PRKN: variants seen among roughly 807,000 people sequenced by gnomAD.
The protein encoded by PRKN is parkin RBR E3 ubiquitin protein ligase.
PRKN carries 56 observed loss-of-function variants against 59.5 expected under a neutral mutation model. The observed-to-expected ratio is 0.94, with a 90% confidence interval of 0.76 to 1.18. The LOEUF (loss-of-function observed/expected upper bound fraction) is 1.18, where lower values mean the gene tolerates loss of function less well. Among genes scored for constraint, PRKN ranks in the 50% most tolerant of loss-of-function variants. The pLI is 0.00. For synonymous variants in PRKN, 250 were observed against 222.1 expected (o/e 1.13, Z -1.12); for missense variants, 657 against 596.4 (o/e 1.10, Z -1.06).
intron 1 of PRKN, among the ~76,000 whole-genome samples, chr6:162,685,984 G>A (rs775110479): frequency 5.9e-5 from 9 of 152,096 alleles, no homozygotes; most frequent in Non-Finnish European, 1.2e-4. Flanking sequence ...TGTTTATAGC[G>A]AACGTCCATT....
chr6:161,650,718 G>A (rs1784121353), intron 7 of PRKN, among the ~76,000 whole-genome samples: 1 of 152,196 alleles, frequency 6.6e-6, no homozygotes, highest in Admixed American at 6.5e-5. Context: ...CTAGGAGCTT[G>A]TGAAGTCCTT....
At chr6:162,304,535 CT>C (rs373421148) in intron 2 of PRKN, among the ~76,000 whole-genome samples, 2 of 130,492 alleles carry the variant, frequency 1.5e-5, no homozygotes, top group African/African-American at 3.2e-5. Context: ...ATCTATCTAT[CT>C]ATCTATCTAT....
At chr6:161,622,910 G>A (rs1199701789) in intron 7 of PRKN, among the ~76,000 whole-genome samples, 1 of 152,188 alleles carries the variant, frequency 6.6e-6, no homozygotes, top group African/African-American at 2.4e-5. Context: ...AACCTATGCA[G>A]TTTGGAAATC....
intron 6 of PRKN, among the ~76,000 whole-genome samples, chr6:161,960,464 T>C (rs973743669): frequency 3.0e-4 from 45 of 152,220 alleles, no homozygotes; most frequent in African/African-American, 1.0e-3. Context: ...AATCACGCGA[T>C]AAGAATTTAA....
At chr6:161,577,060 G>A (rs892951176) in intron 7 of PRKN, among the ~76,000 whole-genome samples, 1 of 152,160 alleles carries the variant, frequency 6.6e-6, no homozygotes, top group Non-Finnish European at 1.5e-5. Flanking sequence ...AGAGGAACAG[G>A]ACCATAGAAG....
In PRKN at chr6:162,292,338, C is replaced by G. The variant is rs143008742; in HGVS notation, c.172-29573G>C. Among the ~76,000 whole-genome samples the G allele has an allele frequency of 3.5e-3, 530 of 152,210 alleles. 3 individuals carry two copies. Among genetic ancestry groups the G allele is most frequent in the African/African-American group, 0.011 (470 of 41,544 alleles). ...TCAATTAATCACCAGAGATGCAACA[C>G]CATAAAGGAGCAGAATATTTCAATA... On this transcript the variant is annotated intron_variant, in intron 2 of 11. Transcript: ENST00000366898.
intron 1 of PRKN, among the ~76,000 whole-genome samples, chr6:162,586,559 C>T (rs973807781): frequency 6.6e-6 from 1 of 152,102 alleles, no homozygotes; most frequent in African/African-American, 2.4e-5. Flanking sequence ...GGTCCTGTGC[C>T]ATCCTCTCCA....
chr6:161,980,271 C>G (rs549258360), intron 5 of PRKN, among the ~76,000 whole-genome samples: 3 of 152,152 alleles, frequency 2.0e-5, no homozygotes, highest in Non-Finnish European at 4.4e-5. Context: ...CCATTCTTGT[C>G]TCCAAATCCT....
rs563338079 is a variant in PRKN, at chr6:162,171,218, G to A, written c.534+29913C>T. Among the ~76,000 whole-genome samples, 98 of 152,190 alleles carry A rather than the reference G, an allele frequency of 6.4e-4. 2 individuals carry two copies. The highest frequency in any genetic ancestry group is 3.4e-3 in the Middle Eastern group (1 of 294). On this transcript the variant is annotated intron_variant, in intron 4 of 11. Transcript: ENST00000366898. ...GAGGATGGTGCACACAGAAAAAAACGTAGGGTCATGGAGAAACTGGAAGGA... is the reference window on the plus strand; with the variant it reads ...GAGGATGGTGCACACAGAAAAAAACATAGGGTCATGGAGAAACTGGAAGGA...
At chr6:161,796,582 G>A (rs375838777) in intron 6 of PRKN, among the ~76,000 whole-genome samples, 2 of 152,194 alleles carry the variant, frequency 1.3e-5, no homozygotes, top group East Asian at 3.9e-4. Context: ...GGAGAAAAAC[G>A]CAGCTCATAA....
intron 7 of PRKN, among the ~76,000 whole-genome samples, chr6:161,737,491 G>A (rs1481003349): frequency 6.6e-5 from 10 of 152,172 alleles, no homozygotes; most frequent in Non-Finnish European, 1.0e-4. Context: ...AAATAAGTAC[G>A]AAAAGAATTA....
chr6:161,812,187 G>A (rs1791591990), intron 6 of PRKN, among the ~76,000 whole-genome samples: 1 of 152,052 alleles, frequency 6.6e-6, no homozygotes, highest in East Asian at 1.9e-4. Flanking sequence ...AGGAGATTGA[G>A]GCCAGCCTGG....
chr6:161,927,086 T>C (rs1012091813), intron 6 of PRKN, among the ~76,000 whole-genome samples: 2 of 152,168 alleles, frequency 1.3e-5, no homozygotes, highest in East Asian at 1.9e-4. Flanking sequence ...GAGAAGATAC[T>C]ATACACTAAA....
At chr6:161,988,455 C>T (rs575649234) in intron 5 of PRKN, among the ~76,000 whole-genome samples, 10 of 152,076 alleles carry the variant, frequency 6.6e-5, no homozygotes, top group Non-Finnish European at 1.5e-4. Flanking sequence ...CACTGCACTC[C>T]AGCCTGAGCA....
chr6:162,515,325 C>T lies in PRKN; in HGVS notation c.8-71852G>A, dbSNP rs142414069. On this transcript the variant is annotated intron_variant, in intron 1 of 11. Coordinates refer to ENST00000366898, the MANE Select transcript of PRKN (RefSeq NM_004562.3). Reference sequence around the variant, plus strand: ...CTTGAACTCCTGACCTCAGGTGATCCGCCTGCCTCAGCCTTCCAGAGTGGT... The same window carrying T: ...CTTGAACTCCTGACCTCAGGTGATCTGCCTGCCTCAGCCTTCCAGAGTGGT... Among the ~76,000 whole-genome samples, 250 of 152,178 alleles carry T rather than the reference C, an allele frequency of 1.6e-3. 3 individuals carry two copies. The highest frequency in any genetic ancestry group is 5.5e-3 in the African/African-American group (228 of 41,520).
intron 6 of PRKN, among the ~76,000 whole-genome samples, chr6:161,939,843 T>A (rs955916117): frequency 3.9e-5 from 6 of 152,074 alleles, no homozygotes; most frequent in Non-Finnish European, 8.8e-5. Context: ...TTTTTTATTT[T>A]AAAAAATTAA....
chr6:161,719,722 G>A lies in PRKN; in HGVS notation c.871+66050C>T, dbSNP rs76753933. Among the ~76,000 whole-genome samples, 63 of 152,016 alleles carry A rather than the reference G, an allele frequency of 4.1e-4. No homozygotes were observed. The East Asian group carries it at 9.8e-3, about 24-fold the overall frequency. On this transcript the variant is annotated intron_variant, in intron 7 of 11. Coordinates refer to ENST00000366898, the MANE Select transcript of PRKN (RefSeq NM_004562.3). ...TGACCCTTGCTAATCCAACTCCTGCGTTCAAGCCATCCTCCTGCCTTAGCC... is the reference window on the plus strand; with the variant it reads ...TGACCCTTGCTAATCCAACTCCTGCATTCAAGCCATCCTCCTGCCTTAGCC...
chr6:162,100,191 T>C (rs1779909168), intron 4 of PRKN, among the ~76,000 whole-genome samples: 1 of 152,206 alleles, frequency 6.6e-6, no homozygotes, highest in Non-Finnish European at 1.5e-5. Context: ...AATGGACACT[T>C]AGGTAGGTCC....
At chr6:162,456,124 A>G (rs985404755) in intron 1 of PRKN, among the ~76,000 whole-genome samples, 3 of 152,298 alleles carry the variant, frequency 2.0e-5, no homozygotes, top group East Asian at 1.9e-4. Flanking sequence ...GAAGACATTA[A>G]AAGAATGAAG....
Sources: allele counts gnomAD v4.1 joint callset (sites outside exome capture counted in the v4.1 genomes callset), GRCh38; gene constraint gnomAD v4.1.1; transcripts MANE v1.5; gene names NCBI Gene and HGNC (gene_info 2026-07-23, HGNC 2026-07-21).